The following TTC13 variants were observed in gnomAD, a reference collection of about 807,000 sequenced individuals.
The protein encoded by TTC13 is tetratricopeptide repeat protein 13.
TTC13 carries 62 observed loss-of-function variants against 120.0 expected under a neutral mutation model. That is an observed-to-expected ratio of 0.52 (90% CI 0.42 to 0.64). The LOEUF is 0.64. Ranked by LOEUF, TTC13 falls within the 30% of genes least tolerant of loss-of-function variation. The probability of loss-of-function intolerance (pLI) is 0.00; values close to 1 mark genes in which losing one functional copy is unlikely to be tolerated. For synonymous variants in TTC13, 384 were observed against 393.5 expected (o/e 0.98, Z 0.28); for missense variants, 824 against 1,050.2 (o/e 0.78, Z 2.98).
intron 2 of TTC13, 101 bp downstream of exon 2, chr1:230,961,108 C>A (rs139014504): frequency 4.9e-6 from 4 of 816,296 alleles, no homozygotes; most frequent in South Asian, 3.3e-5. Context: ...GTAGACTCAA[C>A]GAGGCCCAAC....
At chr1:230,976,960 G>C (rs563252971) in intron 1 of TTC13, among the ~76,000 whole-genome samples, 2 of 152,312 alleles carry the variant, frequency 1.3e-5, no homozygotes, top group African/African-American at 4.8e-5. Context: ...AAAGGAGAAA[G>C]GGAAATTTAC....
intron 17 of TTC13, among the ~76,000 whole-genome samples, chr1:230,919,089 T>C (rs181006324): frequency 6.6e-6 from 1 of 152,180 alleles, no homozygotes; most frequent in African/African-American, 2.4e-5. Flanking sequence ...AATTCAAATG[T>C]TTCCATTATT....
rs750126540 is a variant in TTC13 at position 230,923,917 on chromosome 1, G to A, written c.1738C>T (p.Gln580Ter). 6.2e-7 allele frequency: 1 copy of A among 1,613,506 alleles called. No homozygotes were observed. Among genetic ancestry groups the A allele is most frequent in the South Asian group, 1.1e-5 (1 of 90,998 alleles). The change falls in exon 15 of 23, where the codon CAG (glutamine) becomes TAG (stop). Residue 580 changes from glutamine to a stop codon, truncating the protein, a stop_gained. Coordinates refer to ENST00000366661, the MANE Select transcript of TTC13 (RefSeq NM_024525.5). LOFTEE classifies it high-confidence loss of function. Reference sequence around the variant, plus strand: ...ATTTGATCTAACCACAGCACGGGCTGGTCTGGGTCAGCAATCCTATAAAAC... The same window carrying A: ...ATTTGATCTAACCACAGCACGGGCTAGTCTGGGTCAGCAATCCTATAAAAC... ...VKWRRIADPD[Q>*]PVLWLDQMPA... is the part of the protein sequence containing the mutation.
At chr1:230,951,085 A>T (rs765333980) in intron 4 of TTC13, among the ~76,000 whole-genome samples, 6 of 152,214 alleles carry the variant, frequency 3.9e-5, no homozygotes, top group Non-Finnish European at 8.8e-5. Flanking sequence ...ACAGGGAATA[A>T]ACATTCCAAT....
intron 1 of TTC13, among the ~76,000 whole-genome samples, chr1:230,966,077 ATC>A (rs750354261): frequency 2.6e-5 from 4 of 152,284 alleles, no homozygotes; most frequent in East Asian, 3.9e-4. Flanking sequence ...CCTTATAATG[ATC>A]TGTTTGTTTT....
intron 4 of TTC13, among the ~76,000 whole-genome samples, chr1:230,951,711 A>G (rs1284592026): frequency 6.6e-6 from 1 of 151,988 alleles, no homozygotes; most frequent in Admixed American, 6.5e-5. Context: ...TCATACTGCA[A>G]GAAATTTTAT....
Position 230,916,892 on chromosome 1 carries a change from C to T in TTC13, c.1984-590G>A, listed in dbSNP as rs111709154. 9.7e-4 allele frequency among the ~76,000 whole-genome samples: 147 copies of T among 152,220 alleles called. 1 individual carries two copies. The highest frequency in any genetic ancestry group is 3.4e-3 in the African/African-American group (142 of 41,534). On this transcript the variant is annotated intron_variant, in intron 17 of 22. Coordinates refer to ENST00000366661, the MANE Select transcript of TTC13 (RefSeq NM_024525.5). ...ATAAATGTATGAACACAGTTTCAGA[C>T]GTTAGCTTTCTGTTTAAAACATTTG...
chr1:230,925,719 G>A, intron 12 of TTC13, 72 bp from the exon 13 acceptor site: 1 of 1,553,204 alleles, frequency 6.4e-7, no homozygotes, highest in Non-Finnish European at 8.8e-7. Context: ...CACCTGAGAA[G>A]CAGTCACTTC....
At chr1:230,951,287 G>A (rs1332917178) in intron 4 of TTC13, among the ~76,000 whole-genome samples, 1 of 151,816 alleles carries the variant, frequency 6.6e-6, no homozygotes, top group African/African-American at 2.4e-5. Context: ...TAAAATCCAA[G>A]CCCCTGAGTC....
Position 230,916,269 on chromosome 1 carries a change from C to T in TTC13, c.2017G>A (p.Val673Met), listed in dbSNP as rs755343220. ...TTAAGGCTGGGAACTTTTGTGTTCA[C>T]GGTGAACCCATCCTTCGTTTTAGTA... ...FNTKTKDGFTVNTKVPSLKDQ... is the reference protein window; with the variant it reads ...FNTKTKDGFTMNTKVPSLKDQ... Residue 673 changes from valine (V) to methionine (M), a missense_variant, in exon 18 of 23, where the codon GTG becomes ATG. By Grantham distance (21) the Val-to-Met change is conservative. Around this residue, in one of 4 missense-constraint regions of TTC13, gnomAD observed 226 missense variants for 259.1 expected, o/e 0.87. Coordinates refer to ENST00000366661, the MANE Select transcript of TTC13 (RefSeq NM_024525.5). 2.1e-5 allele frequency: 34 copies of T among 1,613,948 alleles called. No homozygotes were observed. The highest frequency in any genetic ancestry group is 2.8e-5 in the Non-Finnish European group (33 of 1,179,948).
chr1:230,941,495 G>GTC (rs1197689195), intron 6 of TTC13, among the ~76,000 whole-genome samples: 2 of 152,154 alleles, frequency 1.3e-5, no homozygotes, highest in African/African-American at 4.8e-5. Context: ...AGAGGTAGGG[G>GTC]TCTCACTACA....
At chr1:230,950,513 C>T (rs1158119909) in intron 4 of TTC13, among the ~76,000 whole-genome samples, 1 of 152,016 alleles carries the variant, frequency 6.6e-6, no homozygotes, top group African/African-American at 2.4e-5. Context: ...GTATTTACCA[C>T]TACAAGGCTG....
chr1:230,913,630 C>G (rs1025551328), intron 18 of TTC13, among the ~76,000 whole-genome samples: 2 of 152,230 alleles, frequency 1.3e-5, no homozygotes, highest in Non-Finnish European at 2.9e-5. Flanking sequence ...GTATGAGCCA[C>G]CACTTCTGGC....
Position 230,969,506 on chromosome 1 carries a change from G to A in TTC13, c.272-8203C>T, listed in dbSNP as rs115214592. ...TGCTTATTCCTCAAGCCAAATACTT[G>A]TTTCTGCTCATTTTTCTTGATTAGG... is the stretch of plus-strand genomic sequence containing the variant. On this transcript the variant is annotated intron_variant, in intron 1 of 22. Coordinates refer to ENST00000366661, the MANE Select transcript of TTC13 (RefSeq NM_024525.5). 6.0e-3 allele frequency among the ~76,000 whole-genome samples: 917 copies of A among 152,136 alleles called. 10 individuals carry two copies. The highest frequency in any genetic ancestry group is 0.021 in the African/African-American group (873 of 41,494).
In TTC13 at chr1:230,940,040, T is replaced by C. The variant is rs966720609; in HGVS notation, c.789+400A>G. On this transcript the variant is annotated intron_variant, in intron 7 of 22. Transcript: ENST00000366661. The surrounding 1 kb of genome is among the most constrained non-coding windows in gnomAD (Gnocchi z 4.1). ...GCTACAGTCTGGAAAGCCATGCTAGTTCAGGGTGTGTTTCTTGGGCTGTGA... is the reference window on the plus strand; with the variant it reads ...GCTACAGTCTGGAAAGCCATGCTAGCTCAGGGTGTGTTTCTTGGGCTGTGA... 5.3e-5 allele frequency among the ~76,000 whole-genome samples: 8 copies of C among 152,208 alleles called. No individual in the cohort carries two copies.
At chr1:230,976,407 C>T (rs1157459619) in intron 1 of TTC13, among the ~76,000 whole-genome samples, 1 of 152,148 alleles carries the variant, frequency 6.6e-6, no homozygotes, top group Non-Finnish European at 1.5e-5. Flanking sequence ...CATAGTTGTC[C>T]AGGGCGAAGA....
intron 1 of TTC13, among the ~76,000 whole-genome samples, chr1:230,972,767 G>A (rs1170566053): frequency 2.0e-5 from 3 of 152,160 alleles, no homozygotes; most frequent in African/African-American, 7.2e-5. Flanking sequence ...CTTTTAAAAG[G>A]TAGATGTAAT....
chr1:230,923,579 A>G (rs1265841509), intron 15 of TTC13, among the ~76,000 whole-genome samples: 3 of 152,088 alleles, frequency 2.0e-5, no homozygotes, highest in African/African-American at 4.8e-5. Flanking sequence ...CCCTAGGAAA[A>G]CATCTGCAAT....
chr1:230,911,235 T>C (rs555437406), intron 20 of TTC13: 3 of 297,198 alleles, frequency 1.0e-5, no homozygotes, highest in Non-Finnish European at 1.9e-5. Context: ...TTGTGTTGAA[T>C]GGATGAATCC....
Sources: allele counts gnomAD v4.1 joint callset (sites outside exome capture counted in the v4.1 genomes callset), GRCh38; gene constraint gnomAD v4.1.1; regional missense constraint gnomAD v4.1.1; non-coding constraint Gnocchi (gnomAD v3.1); transcripts MANE v1.5; gene names NCBI Gene and HGNC (gene_info 2026-07-23, HGNC 2026-07-21).